The following PSMD12 variants were observed in gnomAD, a reference collection of about 807,000 sequenced individuals.
PSMD12 encodes the protein proteasome 26S subunit, non-ATPase 12, also known as 26S proteasome non-ATPase regulatory subunit 12.
A neutral mutation model predicts 62.9 loss-of-function variants in PSMD12; 8 were observed. That is an observed-to-expected ratio of 0.13 (90% confidence interval 0.07 to 0.23). The LOEUF is 0.23. PSMD12 is among the 10% of genes least tolerant of loss of function. PSMD12 has a pLI of 1.00. For missense variants in PSMD12, 424 were observed against 550.2 expected (o/e 0.77, Z 2.29); for synonymous variants, 173 against 187.4 (o/e 0.92, Z 0.63).
chr17:67,359,262 GA>G (rs1170151539), intron 1 of PSMD12, among the ~76,000 whole-genome samples: 3 of 152,206 alleles, frequency 2.0e-5, no homozygotes, highest in African/African-American at 7.2e-5. Context: ...GGCTGAGGCG[GA>G]AGAATCACTT....
chr17:67,352,829 C>T (rs2042030656), intron 3 of PSMD12, among the ~76,000 whole-genome samples: 5 of 152,210 alleles, frequency 3.3e-5, no homozygotes, highest in Admixed American at 2.0e-4. Flanking sequence ...CCATCTCAGT[C>T]TCATGTGATC....
Position 67,357,372 on chromosome 17 carries a change from C to T in PSMD12, c.228G>A (p.Glu76=), listed in dbSNP as rs551667831. 6.2e-7 allele frequency: 1 copy of T among 1,613,740 alleles called. No individual in the cohort carries two copies. Among genetic ancestry groups the T allele is most frequent in the South Asian group, 1.1e-5 (1 of 91,066 alleles). ...CATTAAGTAAATCCCATTCTTTAGC[C>T]TCATAGCACATCTTCACTACTGCAA... ...ILVAVVKMCY[E]AKEWDLLNEN... Residue 76 remains glutamate (E), a synonymous_variant, in exon 3 of 11, where the codon GAG becomes GAA. Transcript: ENST00000356126.
chr17:67,342,244 T>A lies in PSMD12; in HGVS notation c.1103A>T (p.Lys368Met). 1 of 1,581,444 alleles carries A rather than the reference T, an allele frequency of 6.3e-7. No homozygotes were observed. Among genetic ancestry groups the A allele is most frequent in the Non-Finnish European group, 8.7e-7 (1 of 1,150,834 alleles). Residue 368 changes from lysine to methionine, a missense_variant, in exon 10 of 11, where the codon AAG becomes ATG. Coordinates refer to ENST00000356126, the MANE Select transcript of PSMD12 (RefSeq NM_002816.5). ...VVEHNIRIMA[K>M]YYTRITMKRM... ...TTTCATTGTTATCCGAGTATAATACTTGGCCATTATTCTAATATTCTGGGG... is the reference window on the plus strand; with the variant it reads ...TTTCATTGTTATCCGAGTATAATACATGGCCATTATTCTAATATTCTGGGG...
intron 1 of PSMD12, among the ~76,000 whole-genome samples, chr17:67,365,227 C>CT (rs1555643288): frequency 6.6e-6 from 1 of 151,310 alleles, no homozygotes; most frequent in Non-Finnish European, 1.5e-5. Context: ...CTACAATAGG[C>CT]TTCTAGGCAG....
chr17:67,360,211 T>C (rs1675090983), intron 1 of PSMD12, among the ~76,000 whole-genome samples: 1 of 152,332 alleles, frequency 6.6e-6, no homozygotes, highest in South Asian at 2.1e-4. Context: ...CAGTCACCCA[T>C]CACATTTGCA....
At chr17:67,346,787 A>C (rs1350961075) in intron 7 of PSMD12, among the ~76,000 whole-genome samples, 1 of 152,218 alleles carries the variant, frequency 6.6e-6, no homozygotes, top group Non-Finnish European at 1.5e-5. Flanking sequence ...TAGCAGTATA[A>C]ATGTGGAATA....
At position 67,340,870 on chromosome 17, in the gene PSMD12, T is replaced by C; in HGVS notation, c.1344A>G (p.Lys448=). ...LVNKTTHLIA[K]EEMIHNLQ ...ATTGTAGATTATGTATCATCTCCTC[T>C]TTGGCTATGAGATGCGTAGTTTTGT... Residue 448 remains lysine, a synonymous_variant, in exon 11 of 11, where the codon AAA becomes AAG. Transcript: ENST00000356126. 1 of 1,587,230 alleles carries C rather than the reference T, an allele frequency of 6.3e-7. No individual in the cohort carries two copies. The highest frequency in any genetic ancestry group is 8.5e-7 in the Non-Finnish European group (1 of 1,171,768).
intron 7 of PSMD12, among the ~76,000 whole-genome samples, chr17:67,346,218 C>T (rs1598558259): frequency 6.6e-6 from 1 of 152,090 alleles, no homozygotes; most frequent in East Asian, 1.9e-4. Context: ...TACGGTGAAA[C>T]CCTGTCTCTA....
intron 7 of PSMD12, among the ~76,000 whole-genome samples, chr17:67,346,389 T>C (rs2041966882): frequency 8.5e-6 from 1 of 117,746 alleles, no homozygotes; most frequent in African/African-American, 3.2e-5. Context: ...TGAGACTCTG[T>C]CTCAAAAAAA....
At chr17:67,353,505 C>T (rs2042038305) in intron 3 of PSMD12, among the ~76,000 whole-genome samples, 1 of 152,002 alleles carries the variant, frequency 6.6e-6, no homozygotes, top group Admixed American at 6.6e-5. Context: ...CAGGGTTTCG[C>T]CATGTTGCCC....
intron 6 of PSMD12, 21 bp downstream of exon 6, chr17:67,347,313 CAT>C (rs1160330224): frequency 4.3e-6 from 7 of 1,611,834 alleles, no homozygotes; most frequent in South Asian, 3.3e-5. Flanking sequence ...TTAAAGTAAA[CAT>C]GTGGTCACAG....
At chr17:67,343,686 TTAAAGG>T in intron 9 of PSMD12, among the ~76,000 whole-genome samples, 1 of 152,302 alleles carries the variant, frequency 6.6e-6, no homozygotes, top group South Asian at 2.1e-4. Context: ...TTTAATCTTA[TTAAAGG>T]TAGAGTAATG....
chr17:67,341,875 T>TA (rs2041918362), intron 10 of PSMD12, among the ~76,000 whole-genome samples: 1 of 152,184 alleles, frequency 6.6e-6, no homozygotes, highest in Non-Finnish European at 1.5e-5. Flanking sequence ...TCTTACCACC[T>TA]AAACTGTCAC....
chr17:67,358,827 C>CT (rs944912249), intron 1 of PSMD12, among the ~76,000 whole-genome samples: 4 of 152,290 alleles, frequency 2.6e-5, no homozygotes, highest in African/African-American at 9.6e-5. Flanking sequence ...AAGTCATGCT[C>CT]TTGAGCAGAT....
chr17:67,342,315 TA>T (rs757630241), intron 9 of PSMD12, 52 bp from the exon 10 acceptor site: 4 of 1,194,186 alleles, frequency 3.3e-6, no homozygotes, highest in East Asian at 2.4e-5. Context: ...TCAGTAAGTC[TA>T]AAAGTCCATT....
In PSMD12 at chr17:67,342,273, G is replaced by A. The variant is rs1452781151; in HGVS notation, c.1084-10C>T. 2.0e-6 allele frequency: 3 copies of A among 1,530,176 alleles called. No homozygotes were observed. Among genetic ancestry groups the A allele is most frequent in the African/African-American group, 1.4e-5 (1 of 72,798 alleles). 94.8% of individuals were successfully genotyped at this position (1,530,176 alleles called of 1,614,324 possible). On this transcript the variant is annotated splice_polypyrimidine_tract_variant and intron_variant, in intron 9 of 10. Coordinates refer to ENST00000356126, the MANE Select transcript of PSMD12 (RefSeq NM_002816.5). Reference sequence around the variant, plus strand: ...CCATTATTCTAATATTCTGGGGAGAGGATAGAGAGCAGGGAGAACACGTAA... The same window carrying A: ...CCATTATTCTAATATTCTGGGGAGAAGATAGAGAGCAGGGAGAACACGTAA...
chr17:67,364,232 T>TAA (rs59053283), intron 1 of PSMD12, among the ~76,000 whole-genome samples: 5 of 148,998 alleles, frequency 3.4e-5, no homozygotes, highest in Non-Finnish European at 6.0e-5. Flanking sequence ...CACACTGGCT[T>TAA]AAAAAAAAAA....
chr17:67,358,490 C>A (rs1211543155), intron 1 of PSMD12, among the ~76,000 whole-genome samples: 1 of 140,846 alleles, frequency 7.1e-6, no homozygotes, highest in African/African-American at 2.6e-5. Flanking sequence ...CTGGCTTGAG[C>A]CATGGAGGTG....
At chr17:67,344,877 C>T (rs778054347) in intron 8 of PSMD12, 97 bp from the exon 9 acceptor site, 25 of 1,041,758 alleles carry the variant, frequency 2.4e-5, no homozygotes, top group Non-Finnish European at 3.1e-5. Flanking sequence ...AGACTGTTTT[C>T]GTTAAATTTT....
Sources: allele counts gnomAD v4.1 joint callset (sites outside exome capture counted in the v4.1 genomes callset), GRCh38; gene constraint gnomAD v4.1.1; transcripts MANE v1.5; gene names NCBI Gene and HGNC (gene_info 2026-07-23, HGNC 2026-07-21).